Variants in EPHX1 observed in about 807,000 individuals in gnomAD.
EPHX1 encodes epoxide hydrolase 1.
A neutral mutation model predicts 43.2 loss-of-function variants in EPHX1; 40 were observed. The ratio of observed to expected loss-of-function variants is 0.93; its 90% CI spans 0.72 to 1.21. The LOEUF is 1.21. Among genes scored for constraint, EPHX1 ranks in the 50% most tolerant of loss-of-function variants. EPHX1 has a pLI of 0.00. For synonymous variants in EPHX1, 221 were observed against 226.7 expected (o/e 0.98, Z 0.22); for missense variants, 550 against 570.4 (o/e 0.96, Z 0.36).
Position 225,828,680 on chromosome 1 carries a change from G to A in EPHX1, c.-5-45G>A, listed in dbSNP as rs41266229. The A allele has an allele frequency of 0.29, 460,549 of 1,603,044 alleles. 67,449 individuals carry two copies. The highest frequency in any genetic ancestry group is 0.33 in the Middle Eastern group (1,547 of 4,682). On this transcript the variant is annotated intron_variant, in intron 1 of 8. Transcript: ENST00000272167. ...TCAGAGTCTCTGGGCTGTCAGGGCC[G>A]GGCTGGGCGGGCTCCGTTGTTAATG...
chr1:225,817,034 G>A lies in EPHX1; in HGVS notation c.-6+6865G>A, dbSNP rs183315221. Among the ~76,000 whole-genome samples the A allele has an allele frequency of 2.6e-5, 4 of 151,484 alleles. No homozygotes were observed. The highest frequency in any genetic ancestry group is 9.7e-5 in the African/African-American group (4 of 41,230). ...ACTCTCCCCCAGCTTTTTTTTTCCTGCTTGTAAACTGCATTTTTCCTTTCC... is the reference window on the plus strand; with the variant it reads ...ACTCTCCCCCAGCTTTTTTTTTCCTACTTGTAAACTGCATTTTTCCTTTCC... On this transcript the variant is annotated intron_variant, in intron 1 of 8. Coordinates refer to ENST00000272167, the MANE Select transcript of EPHX1 (RefSeq NM_001136018.4). This position sits in a 1 kb window ranked among gnomAD's most constrained non-coding sequence, Gnocchi z 5.7.
chr1:225,828,929 CG>C lies in EPHX1; in HGVS notation c.183+20del. 1 of 1,552,342 alleles carries C rather than the reference CG, an allele frequency of 6.4e-7. No homozygotes were observed. The highest frequency in any genetic ancestry group is 1.2e-5 in the South Asian group (1 of 85,136). On this transcript the variant is annotated intron_variant, in intron 2 of 8. Coordinates refer to ENST00000272167, the MANE Select transcript of EPHX1 (RefSeq NM_001136018.4). ...GAGATCCACGTAAGGCACCTTGGGC[CG>C]GGCCGGGCTGGGCAGTGGAGAGGGT...
chr1:225,822,241 A>G (rs999176154), intron 1 of EPHX1, among the ~76,000 whole-genome samples: 3 of 152,220 alleles, frequency 2.0e-5, no homozygotes, highest in Admixed American at 1.3e-4. Context: ...GTTTTTAAAA[A>G]AAATCATGCT....
At chr1:225,821,681 C>T (rs1188685908) in intron 1 of EPHX1, among the ~76,000 whole-genome samples, 1 of 149,848 alleles carries the variant, frequency 6.7e-6, no homozygotes, top group Admixed American at 6.7e-5. Flanking sequence ...CCACTTCAGC[C>T]TCCCGAGTAG....
chr1:225,829,756 G>A (rs1667473018), intron 2 of EPHX1, among the ~76,000 whole-genome samples: 2 of 152,114 alleles, frequency 1.3e-5, no homozygotes, highest in Non-Finnish European at 2.9e-5. Flanking sequence ...AAAGGAATGT[G>A]CACAAAGAAA....
intron 1 of EPHX1, among the ~76,000 whole-genome samples, chr1:225,818,927 A>T (rs1342165469): frequency 6.4e-5 from 1 of 15,588 alleles, no homozygotes; most frequent in African/African-American, 2.2e-4. Context: ...TGTCTCCATT[A>T]AAAAAAAAAA....
chr1:225,831,746 C>T, intron 2 of EPHX1, 33 bp from the exon 3 acceptor site: 1 of 1,609,316 alleles, frequency 6.2e-7, no homozygotes, highest in Non-Finnish European at 8.5e-7. Context: ...CCTTCCCATC[C>T]CTCTCAACTT....
At position 225,842,441 on chromosome 1, in the gene EPHX1, A is replaced by C. The variant is rs754141455; in HGVS notation, c.1007A>C (p.Glu336Ala). The C allele has an allele frequency of 1.2e-6, 2 of 1,614,032 alleles. No individual in the cohort carries two copies. The highest frequency in any genetic ancestry group is 1.7e-6 in the Non-Finnish European group (2 of 1,179,864). ...AAGTTTTCCACCTGGACCAATACGGAATTCCGATACCTGGAGGATGGAGGC... is the reference window on the plus strand; with the variant it reads ...AAGTTTTCCACCTGGACCAATACGGCATTCCGATACCTGGAGGATGGAGGC... ...LEKFSTWTNTEFRYLEDGGLE... is the reference protein window; with the variant it reads ...LEKFSTWTNTAFRYLEDGGLE... Residue 336 changes from glutamate to alanine, a missense_variant, in exon 7 of 9, where the codon GAA (glutamate) becomes GCA (alanine). Transcript: ENST00000272167.
intron 1 of EPHX1, among the ~76,000 whole-genome samples, chr1:225,827,831 CTG>C (rs1667327140): frequency 6.6e-6 from 1 of 152,160 alleles, no homozygotes; most frequent in South Asian, 2.1e-4. Context: ...CACAGCTAAG[CTG>C]TGTGGCCATG....
rs747236806 is a variant in EPHX1, at chr1:225,839,854, A to G, written c.748A>G (p.Met250Val). ...CCACGTGAAAGGCCTGCACTTGAAC[A>G]TGGCTTTGGTTTTAAGCAACTTCTC... ...PSHVKGLHLN[M>V]ALVLSNFSTL... Residue 250 changes from methionine (M) to valine (V), a missense_variant, in exon 6 of 9, where the codon ATG becomes GTG. Physicochemically the swap from Met to Val is conservative, Grantham distance 21 (BLOSUM62 1). Transcript: ENST00000272167. 2.5e-6 allele frequency: 4 copies of G among 1,614,110 alleles called. No homozygotes were observed. The South Asian group carries it at 3.3e-5, about 13-fold the overall frequency.
chr1:225,822,727 A>C (rs1667029716), intron 1 of EPHX1, among the ~76,000 whole-genome samples: 1 of 152,158 alleles, frequency 6.6e-6, no homozygotes, highest in African/African-American at 2.4e-5. Flanking sequence ...GATGGAAAAG[A>C]GGGGTGGAGA....
intron 1 of EPHX1, among the ~76,000 whole-genome samples, chr1:225,824,879 T>C (rs939237936): frequency 5.3e-5 from 8 of 152,202 alleles, no homozygotes; most frequent in African/African-American, 1.7e-4. Flanking sequence ...AGAACACTTT[T>C]CTTTGGTGCA....
At position 225,828,079 on chromosome 1, in the gene EPHX1, C is replaced by T. The variant is rs139752880; in HGVS notation, c.-5-646C>T. Among the ~76,000 whole-genome samples the T allele has an allele frequency of 3.3e-3, 497 of 152,288 alleles. 4 individuals carry two copies. The highest frequency in any genetic ancestry group is 0.011 in the African/African-American group (461 of 41,556). On this transcript the variant is annotated intron_variant, in intron 1 of 8. Transcript: ENST00000272167. ...AACATGAGGCTGTCGGGCGCCGTGG[C>T]TCACACCTGTAATCCCAGCACTTTG...
chr1:225,836,684 A>G (rs1484485879), intron 3 of EPHX1, among the ~76,000 whole-genome samples: 3 of 152,256 alleles, frequency 2.0e-5, no homozygotes, highest in Non-Finnish European at 4.4e-5. Flanking sequence ...GAAGTAAGCC[A>G]GGGACAGGAC....
chr1:225,827,315 C>T (rs1175064049), intron 1 of EPHX1, among the ~76,000 whole-genome samples: 1 of 152,134 alleles, frequency 6.6e-6, no homozygotes, highest in Non-Finnish European at 1.5e-5. Context: ...CTTTCTCCTC[C>T]GTCTGGGTCC....
chr1:225,827,154 C>G (rs922235842), intron 1 of EPHX1, among the ~76,000 whole-genome samples: 3 of 152,178 alleles, frequency 2.0e-5, no homozygotes, highest in South Asian at 2.1e-4. Context: ...TGCAACCCCC[C>G]AGCAGAGTCC....
Position 225,831,841 on chromosome 1 carries a change from C to G in EPHX1, c.246C>G (p.His82Gln), listed in dbSNP as rs145942697. 8.1e-6 allele frequency: 13 copies of G among 1,614,084 alleles called. No homozygotes were observed. In the African/African-American group the frequency reaches 1.7e-4, roughly 22 times the overall value. The change falls in exon 3 of 9, where the codon CAC (histidine) becomes CAG (glutamine). Residue 82 changes from histidine (H) to glutamine (Q), a missense_variant. Transcript: ENST00000272167. Reference sequence around the variant, plus strand: ...CACCTTTGGAGGACAGCTGCTTCCACTATGGCTTCAACTCCAACTACCTGA... The same window carrying G: ...CACCTTTGGAGGACAGCTGCTTCCAGTATGGCTTCAACTCCAACTACCTGA... ...FTPPLEDSCF[H>Q]YGFNSNYLKK... is the part of the protein sequence containing the mutation.
intron 1 of EPHX1, among the ~76,000 whole-genome samples, chr1:225,822,199 T>C (rs1667008897): frequency 6.6e-6 from 1 of 152,186 alleles, no homozygotes; most frequent in Admixed American, 6.6e-5. Flanking sequence ...GCTCAGTATC[T>C]TGTAGCTAAA....
In EPHX1 at chr1:225,845,129, G is replaced by A; in HGVS notation, c.1167-17G>A. 1.9e-6 allele frequency: 3 copies of A among 1,613,580 alleles called. No homozygotes were observed. The highest frequency in any genetic ancestry group is 4.5e-5 in the East Asian group (2 of 44,852). On this transcript the variant is annotated splice_polypyrimidine_tract_variant and intron_variant, in intron 8 of 8. Coordinates refer to ENST00000272167, the MANE Select transcript of EPHX1 (RefSeq NM_001136018.4). ...AGGGCCACAGCCTCACCCCTCCGTC[G>A]GCTCTTTCACTTCCAGGATGAAGGT...
Sources: allele counts gnomAD v4.1 joint callset (sites outside exome capture counted in the v4.1 genomes callset), GRCh38; gene constraint gnomAD v4.1.1; non-coding constraint Gnocchi (gnomAD v3.1); transcripts MANE v1.5; gene names NCBI Gene and HGNC (gene_info 2026-07-23, HGNC 2026-07-21).